Variants in ZSCAN20 observed in about 807,000 individuals in gnomAD.
The protein encoded by ZSCAN20 is zinc finger and SCAN domain containing 20.
ZSCAN20 carries 39 observed loss-of-function variants against 97.1 expected under a neutral mutation model. That is an observed-to-expected ratio of 0.40 (90% CI 0.31 to 0.52). The LOEUF is 0.52. ZSCAN20 is among the 20% of genes least tolerant of loss of function. The pLI is 0.49. For missense variants in ZSCAN20, 1,115 were observed against 1,290.4 expected (o/e 0.86, Z 2.08); for synonymous variants, 456 against 467.3 (o/e 0.98, Z 0.31).
At chr1:33,475,761 G>A (rs1194963961) in intron 1 of ZSCAN20, among the ~76,000 whole-genome samples, 1 of 151,594 alleles carries the variant, frequency 6.6e-6, no homozygotes, top group African/African-American at 2.4e-5. Flanking sequence ...CTGGGTTTAA[G>A]CAATTCTCCT....
intron 5 of ZSCAN20, among the ~76,000 whole-genome samples, chr1:33,490,684 C>CACACACACACACACACA (rs57345949): frequency 1.6e-5 from 2 of 128,006 alleles, no homozygotes; most frequent in Non-Finnish European, 3.4e-5. Flanking sequence ...CACACACACA[C>CACACACACACACACACA]CACACACCCT....
Position 33,493,248 on chromosome 1 carries a change from A to G in ZSCAN20, c.1506A>G (p.Pro502=). 1.2e-6 allele frequency: 2 copies of G among 1,614,174 alleles called. No homozygotes were observed. The highest frequency in any genetic ancestry group is 1.7e-6 in the Non-Finnish European group (2 of 1,180,034). The change falls in exon 7 of 8, where the codon CCA becomes CCG. Residue 502 remains proline (P), a synonymous_variant. Coordinates refer to ENST00000684572, the MANE Select transcript of ZSCAN20 (RefSeq NM_001377376.1). This position sits in a 1 kb window ranked among gnomAD's most constrained non-coding sequence, Gnocchi z 4.3. ...TCCTGGCAATTCTCAGTGAGTCCCCATTCTCGGAAAAGCTTCGTACCTGTC... is the reference window on the plus strand; with the variant it reads ...TCCTGGCAATTCTCAGTGAGTCCCCGTTCTCGGAAAAGCTTCGTACCTGTC... ...KAFLAILSES[P]FSEKLRTCHQ...
Position 33,491,773 on chromosome 1 carries a change from G to C in ZSCAN20, c.1444+71G>C. 2 of 1,454,142 alleles carry C rather than the reference G, an allele frequency of 1.4e-6. No individual in the cohort carries two copies. The highest frequency in any genetic ancestry group is 9.2e-7 in the Non-Finnish European group (1 of 1,081,720). 90.1% of individuals were successfully genotyped at this position (1,454,142 alleles called of 1,614,324 possible). A position where few individuals can be genotyped will look rare whatever the true frequency, so the allele number is the denominator to read the frequency against. ...ACCAGCTAGACTGCTATTCCCTGAGGTCAGGGCACAGGCTGCAAGTCTGGA... is the reference window on the plus strand; with the variant it reads ...ACCAGCTAGACTGCTATTCCCTGAGCTCAGGGCACAGGCTGCAAGTCTGGA... On this transcript the variant is annotated intron_variant, in intron 6 of 7. Coordinates refer to ENST00000684572, the MANE Select transcript of ZSCAN20 (RefSeq NM_001377376.1). This position sits in a 1 kb window ranked among gnomAD's most constrained non-coding sequence, Gnocchi z 4.3.
intron 1 of ZSCAN20, among the ~76,000 whole-genome samples, chr1:33,476,261 C>T (rs1333164844): frequency 6.6e-6 from 1 of 152,170 alleles, no homozygotes; most frequent in East Asian, 1.9e-4. Flanking sequence ...TGTTGGCCTC[C>T]CTCTCCCCAC....
At position 33,494,774 on chromosome 1, in the gene ZSCAN20, G is replaced by C; in HGVS notation, c.2430G>C (p.Leu810=). The change falls in exon 8 of 8, where the codon CTG becomes CTC. Residue 810 remains leucine, a synonymous_variant. Transcript: ENST00000684572. ...GCTTCAACCAGAGCTCAAACCTTCTGAAACATCAGAGAATCCACTTGGGAG... is the reference window on the plus strand; with the variant it reads ...GCTTCAACCAGAGCTCAAACCTTCTCAAACATCAGAGAATCCACTTGGGAG... ...WKSFNQSSNL[L]KHQRIHLGGN... 1 of 1,614,096 alleles carries C rather than the reference G, an allele frequency of 6.2e-7. No homozygotes were observed. Among genetic ancestry groups the C allele is most frequent in the Non-Finnish European group, 8.5e-7 (1 of 1,180,012 alleles).
chr1:33,489,124 C>A lies in ZSCAN20; in HGVS notation c.614C>A (p.Thr205Asn). 6.2e-7 allele frequency: 1 copy of A among 1,612,734 alleles called. No homozygotes were observed. Residue 205 changes from threonine to asparagine, a missense_variant, in exon 4 of 8, where the codon ACT (threonine) becomes AAT (asparagine). Physicochemically the swap from Thr to Asn is moderately conservative, Grantham distance 65. This residue lies in a region of ZSCAN20 where 508 missense variants were observed against 611.2 expected (regional missense o/e 0.83). Coordinates refer to ENST00000684572, the MANE Select transcript of ZSCAN20 (RefSeq NM_001377376.1). ...TTTTTCTTTTCCTCAGCTGTCCTCA[C>A]TCCCCGAGTCCCTACTCTCCCAAAG... ...PQPLKESAVL[T>N]PRVPTLPKMG...
chr1:33,487,840 T>G (rs1469868062), intron 2 of ZSCAN20, among the ~76,000 whole-genome samples: 2 of 151,852 alleles, frequency 1.3e-5, no homozygotes, highest in African/African-American at 4.8e-5. Flanking sequence ...ATTATAGAGG[T>G]GAGGGTCTGC....
chr1:33,480,410 A>G (rs964333722), intron 2 of ZSCAN20, among the ~76,000 whole-genome samples: 2 of 152,252 alleles, frequency 1.3e-5, no homozygotes, highest in African/African-American at 4.8e-5. Context: ...TGAATAGACC[A>G]GAGCCTAAAG....
intron 2 of ZSCAN20, among the ~76,000 whole-genome samples, chr1:33,484,490 A>T (rs1590433): frequency 6.6e-6 from 1 of 152,032 alleles, no homozygotes; most frequent in Non-Finnish European, 1.5e-5. Context: ...GATGGGTTAC[A>T]TTAATTGATT....
rs1260636676 is a variant in ZSCAN20, at chr1:33,479,560, T to C, written c.272T>C (p.Leu91Pro). The change falls in exon 2 of 8, where the codon CTG becomes CCG. Residue 91 changes from leucine to proline, a missense_variant. Transcript: ENST00000684572. ...GAGATCCGTCTCAAAGAGCAGATCC[T>C]GGAGCTGCTCGTGCTGGAGCAGTTC... ...RPEIRLKEQI[L>P]ELLVLEQFLT... 6.2e-7 allele frequency: 1 copy of C among 1,613,954 alleles called. No individual in the cohort carries two copies. The highest frequency in any genetic ancestry group is 2.2e-5 in the East Asian group (1 of 44,874).
rs528978537 is a variant in ZSCAN20 at position 33,493,786 on chromosome 1, G to A, written c.1873+171G>A. Reference sequence around the variant, plus strand: ...AGTCTCTAGCTTTGTGTGATCCCCCGAATCAGTCAGTCAGTCAGTCATTCT... The same window carrying A: ...AGTCTCTAGCTTTGTGTGATCCCCCAAATCAGTCAGTCAGTCAGTCATTCT... On this transcript the variant is annotated intron_variant, in intron 7 of 7. Coordinates refer to ENST00000684572, the MANE Select transcript of ZSCAN20 (RefSeq NM_001377376.1). The surrounding 1 kb of genome is among the most constrained non-coding windows in gnomAD (Gnocchi z 4.3). Among the ~76,000 whole-genome samples, 121 of 152,312 alleles carry A rather than the reference G, an allele frequency of 7.9e-4. 3 individuals are homozygous for A. The highest frequency in any genetic ancestry group is 2.7e-3 in the African/African-American group (113 of 41,560).
chr1:33,491,588 G>A lies in ZSCAN20; in HGVS notation c.1330G>A (p.Gly444Ser), dbSNP rs746977740. The A allele has an allele frequency of 1.1e-5, 17 of 1,614,146 alleles. No individual in the cohort carries two copies. The highest frequency in any genetic ancestry group is 1.4e-5 in the Non-Finnish European group (17 of 1,180,004). ...DAEMDEQEEGGWDPEEMAEDC... is the reference protein window; with the variant it reads ...DAEMDEQEEGSWDPEEMAEDC... ...AGAGATGGATGAGCAGGAGGAAGGG[G>A]GCTGGGATCCTGAAGAAATGGCAGA... is the stretch of plus-strand genomic sequence containing the variant. Residue 444 changes from glycine to serine, a missense_variant, in exon 6 of 8, where the codon GGC becomes AGC. By Grantham distance (56) the Gly-to-Ser change is moderately conservative. Coordinates refer to ENST00000684572, the MANE Select transcript of ZSCAN20 (RefSeq NM_001377376.1). The surrounding 1 kb of genome is among the most constrained non-coding windows in gnomAD (Gnocchi z 4.3).
At chr1:33,488,876 G>A (rs1481197441) in intron 3 of ZSCAN20, among the ~76,000 whole-genome samples, 1 of 152,212 alleles carries the variant, frequency 6.6e-6, no homozygotes, top group Non-Finnish European at 1.5e-5. Flanking sequence ...AGCAGGTGCA[G>A]GCTGGGACAG....
intron 6 of ZSCAN20, among the ~76,000 whole-genome samples, chr1:33,492,884 T>C (rs1424618798): frequency 6.6e-6 from 1 of 151,454 alleles, no homozygotes; most frequent in East Asian, 1.9e-4. Context: ...TTCCCTGAAC[T>C]AATCAGCTAA....
At chr1:33,476,705 A>C (rs1486445290) in intron 1 of ZSCAN20, among the ~76,000 whole-genome samples, 1 of 152,226 alleles carries the variant, frequency 6.6e-6, no homozygotes, top group Non-Finnish European at 1.5e-5. Context: ...ATGCATCAAT[A>C]AGGTTGTGGT....
chr1:33,494,542 C>T lies in ZSCAN20; in HGVS notation c.2198C>T (p.Thr733Ile). The T allele has an allele frequency of 6.2e-7, 1 of 1,614,202 alleles. No individual in the cohort carries two copies. The highest frequency in any genetic ancestry group is 8.5e-7 in the Non-Finnish European group (1 of 1,180,036). Residue 733 changes from threonine to isoleucine, a missense_variant, in exon 8 of 8, where the codon ACA becomes ATA. Transcript: ENST00000684572. The part of the protein sequence containing the change: ...SHFIAHQRIH[T>I]GEKPYKCLEC... ...TTCATTGCCCATCAGCGAATCCACA[C>T]AGGTGAGAAGCCCTACAAATGCCTT...
rs200753044 is a variant in ZSCAN20 at position 33,488,668 on chromosome 1, A to C, written c.604+17A>C. On this transcript the variant is annotated intron_variant, in intron 3 of 7. Coordinates refer to ENST00000684572, the MANE Select transcript of ZSCAN20 (RefSeq NM_001377376.1). ...AAGAGAGTGGTGAGTACATCTGAGAACATTAGGGAATGAGGCCTTCTGCAG... is the reference window on the plus strand; with the variant it reads ...AAGAGAGTGGTGAGTACATCTGAGACCATTAGGGAATGAGGCCTTCTGCAG... The C allele has an allele frequency of 6.2e-7, 1 of 1,600,862 alleles. No homozygotes were observed.
intron 2 of ZSCAN20, 74 bp from the exon 3 acceptor site, chr1:33,488,391 C>A: frequency 6.8e-7 from 1 of 1,463,020 alleles, no homozygotes; most frequent in Non-Finnish European, 9.4e-7. Flanking sequence ...AGCCTCTGGA[C>A]TGCAGTTGTA....
chr1:33,477,974 A>C (rs2148446994), intron 1 of ZSCAN20, among the ~76,000 whole-genome samples: 1 of 152,048 alleles, frequency 6.6e-6, no homozygotes, highest in Middle Eastern at 3.4e-3. Context: ...AAGGGAGGAG[A>C]CCATTCCCAA....
Sources: allele counts gnomAD v4.1 joint callset (sites outside exome capture counted in the v4.1 genomes callset), GRCh38; gene constraint gnomAD v4.1.1; regional missense constraint gnomAD v4.1.1; non-coding constraint Gnocchi (gnomAD v3.1); transcripts MANE v1.5; gene names NCBI Gene and HGNC (gene_info 2026-07-23, HGNC 2026-07-21).